The following TARBP1 variants were observed in gnomAD, a reference collection of about 807,000 sequenced individuals.
TARBP1 encodes the protein tRNA (guanosine(18)-2'-O)-methyltransferase TARBP1.
Under a neutral mutation model 178.6 loss-of-function variants are expected in TARBP1, and 144 were observed. That is an observed-to-expected ratio of 0.81 (90% CI 0.70 to 0.93). The LOEUF (loss-of-function observed/expected upper bound fraction) is 0.93. Among genes scored for constraint, TARBP1 ranks in the 40% least tolerant of loss-of-function variants. The pLI is 0.00. For synonymous variants in TARBP1, 787 were observed against 781.0 expected (o/e 1.01, Z -0.13); for missense variants, 2,067 against 2,011.7 (o/e 1.03, Z -0.53).
chr1:234,451,748 CAAA>C (rs766485621), intron 9 of TARBP1, among the ~76,000 whole-genome samples: 2 of 6,624 alleles, frequency 3.0e-4, no homozygotes, highest in Non-Finnish European at 2.2e-4. Context: ...GACTCCGTCT[CAAA>C]AAAAAAAAAA....
Position 234,459,469 on chromosome 1 carries a change from T to C in TARBP1, c.1536-143A>G, listed in dbSNP as rs1294331860. On this transcript the variant is annotated intron_variant, in intron 7 of 29. Coordinates refer to ENST00000040877, the MANE Select transcript of TARBP1 (RefSeq NM_005646.4). The stretch of plus-strand genomic sequence containing the variant: ...ATTTCAAAGCTGTTATTTCCCATTA[T>C]GGCCTCTATTAAGAGCTCAATTTTA... 4.0e-5 allele frequency: 25 copies of C among 632,416 alleles called. 1 individual carries two copies. In the South Asian group the frequency reaches 4.3e-4, roughly 11 times the overall value. 39.2% of individuals were successfully genotyped at this position (632,416 alleles called of 1,614,324 possible).
chr1:234,421,707 C>T (rs906038777), intron 20 of TARBP1, among the ~76,000 whole-genome samples: 5 of 152,204 alleles, frequency 3.3e-5, no homozygotes, highest in African/African-American at 7.2e-5. Context: ...ATGGCTTGTG[C>T]CGCCTAAATT....
At position 234,429,535 on chromosome 1, in the gene TARBP1, A is replaced by G. The variant is rs200012476; in HGVS notation, c.2752T>C (p.Phe918Leu). 36 of 1,614,192 alleles carry G rather than the reference A, an allele frequency of 2.2e-5. No individual in the cohort carries two copies. Among genetic ancestry groups the G allele is most frequent in the Non-Finnish European group, 2.9e-5 (34 of 1,180,016 alleles). Residue 918 changes from phenylalanine (F) to leucine (L), a missense_variant, in exon 16 of 30, where the codon TTT (phenylalanine) becomes CTT (leucine). Transcript: ENST00000040877. ...PTTGSEILEP[F>L]LPAVQMPIRT... The stretch of plus-strand genomic sequence containing the variant: ...ATTGGCATCTGAACGGCAGGTAGAA[A>G]CGGTTCCAGAATTTCACTCCCTGTG...
intron 28 of TARBP1, 113 bp from the exon 29 acceptor site, chr1:234,392,665 G>T: frequency 1.1e-6 from 1 of 915,546 alleles, no homozygotes; most frequent in Non-Finnish European, 1.6e-6. Context: ...AGAAAAAGGA[G>T]AGAATTATAC....
Position 234,425,667 on chromosome 1 carries a change from A to G in TARBP1, c.3444+6T>C, listed in dbSNP as rs751311952. 1 of 1,609,522 alleles carries G rather than the reference A, an allele frequency of 6.2e-7. No individual in the cohort carries two copies. Among genetic ancestry groups the G allele is most frequent in the Non-Finnish European group, 8.5e-7 (1 of 1,178,144 alleles). On this transcript the variant is annotated splice_donor_region_variant and intron_variant, in intron 20 of 29. Transcript: ENST00000040877. Reference sequence around the variant, plus strand: ...ACAAAGATAATTTAAAGTAAAATACACTTACTTTATCTAATAGCTTGATTG... The same window carrying G: ...ACAAAGATAATTTAAAGTAAAATACGCTTACTTTATCTAATAGCTTGATTG...
chr1:234,393,152 G>A (rs1659567817), intron 28 of TARBP1, among the ~76,000 whole-genome samples: 2 of 152,146 alleles, frequency 1.3e-5, no homozygotes, highest in Admixed American at 1.3e-4. Flanking sequence ...TAGAAAAACA[G>A]AAGTGAGCTG....
intron 21 of TARBP1, among the ~76,000 whole-genome samples, chr1:234,420,376 A>G (rs924273296): frequency 1.2e-4 from 18 of 152,236 alleles, no homozygotes; most frequent in African/African-American, 4.3e-4. Context: ...GTAGCTACAG[A>G]AAATTAGGAG....
Position 234,457,725 on chromosome 1 carries a change from A to G in TARBP1, c.1664T>C (p.Phe555Ser). 1 of 1,610,418 alleles carries G rather than the reference A, an allele frequency of 6.2e-7. No homozygotes were observed. ...TTCCTCTTGTCTCAGAGACATGAGAAAAGTTGAGACATCAGAAAGTGACAC... is the reference window on the plus strand; with the variant it reads ...TTCCTCTTGTCTCAGAGACATGAGAGAAGTTGAGACATCAGAAAGTGACAC... ...EKVSLSDVST[F>S]LMSLRQEESL... Residue 555 changes from phenylalanine to serine, a missense_variant, in exon 9 of 30, where the codon TTT becomes TCT. Phe to Ser is a radical substitution (Grantham distance 155). Transcript: ENST00000040877.
At chr1:234,418,933 G>C (rs138314023) in intron 21 of TARBP1, among the ~76,000 whole-genome samples, 2,299 of 152,302 alleles carry the variant, frequency 0.015, 59 homozygotes, top group African/African-American at 0.052. Context: ...AGCACTTTGG[G>C]AGGCCGAGGC....
chr1:234,478,878 G>C lies in TARBP1; in HGVS notation c.226C>G (p.Leu76Val), dbSNP rs1669853362. The C allele has an allele frequency of 7.6e-7, 1 of 1,310,688 alleles. No homozygotes were observed. Among genetic ancestry groups the C allele is most frequent in the East Asian group, 3.2e-5 (1 of 31,250 alleles). 81.2% of individuals were successfully genotyped at this position (1,310,688 alleles called of 1,614,324 possible). ...GGGCCGCCCGCGGGGCGTCCGCGCA[G>C]GCTCCGCAGCAGTGGCACGAGGTAC... is the stretch of plus-strand genomic sequence containing the variant. ...AGYLVPLLRSLRGRPAGGPDP... is the reference protein window; with the variant it reads ...AGYLVPLLRSVRGRPAGGPDP... Residue 76 changes from leucine (L) to valine (V), a missense_variant, in exon 1 of 30, where the codon CTG becomes GTG. Leu to Val is a conservative substitution (Grantham distance 32). Coordinates refer to ENST00000040877, the MANE Select transcript of TARBP1 (RefSeq NM_005646.4).
intron 9 of TARBP1, among the ~76,000 whole-genome samples, chr1:234,456,677 C>A (rs1047607140): frequency 6.6e-6 from 1 of 152,004 alleles, no homozygotes; most frequent in African/African-American, 2.4e-5. Flanking sequence ...TTAGAGAGAT[C>A]ATATGTATTA....
rs199696341 is a variant in TARBP1 at position 234,472,816 on chromosome 1, T to C, written c.932-5A>G. On this transcript the variant is annotated splice_polypyrimidine_tract_variant and splice_region_variant and intron_variant, in intron 1 of 29. Transcript: ENST00000040877. ...ACCACCAAAACAGACTTGGGCCTGA[T>C]ATGGTTTAAAAAAGAAAATTAGTTC... 1.4e-5 allele frequency: 22 copies of C among 1,587,872 alleles called. No homozygotes were observed. The East Asian group carries it at 4.9e-4, about 36-fold the overall frequency.
rs1342830850 is a variant in TARBP1, at chr1:234,430,201, G to C, written c.2495C>G (p.Ser832Cys). 4.3e-6 allele frequency: 7 copies of C among 1,614,238 alleles called. No homozygotes were observed. The highest frequency in any genetic ancestry group is 5.1e-6 in the Non-Finnish European group (6 of 1,180,044). The change falls in exon 15 of 30, where the codon TCT (serine) becomes TGT (cysteine). Residue 832 changes from serine (S) to cysteine (C), a missense_variant. By Grantham distance (112) the Ser-to-Cys change is moderately radical. Transcript: ENST00000040877. ...GCTTTCCAGGGGCCCAGCATGGAGA[G>C]AGTCCAGCTGCAGCTCAGGCTTCTG... is the stretch of plus-strand genomic sequence containing the variant. ...IDQKPELQLD[S>C]LHAGPLESFL...
intron 4 of TARBP1, among the ~76,000 whole-genome samples, chr1:234,466,084 G>C (rs1462437775): frequency 6.7e-6 from 1 of 149,772 alleles, no homozygotes; most frequent in Non-Finnish European, 1.5e-5. Context: ...AGAGGATAAA[G>C]AGGAAAAAAA....
intron 6 of TARBP1, among the ~76,000 whole-genome samples, chr1:234,462,379 T>C (rs143669748): frequency 6.6e-6 from 1 of 152,168 alleles, no homozygotes; most frequent in Non-Finnish European, 1.5e-5. Flanking sequence ...ATTAAACTCC[T>C]GAAATCTACC....
chr1:234,408,408 A>G (rs958477216), intron 23 of TARBP1, among the ~76,000 whole-genome samples: 2 of 152,332 alleles, frequency 1.3e-5, no homozygotes, highest in South Asian at 4.1e-4. Context: ...AACAAAGATG[A>G]TAACAGCCCT....
At chr1:234,452,738 T>C (rs1666902088) in intron 9 of TARBP1, among the ~76,000 whole-genome samples, 6 of 152,230 alleles carry the variant, frequency 3.9e-5, no homozygotes. Context: ...TGAAAAGTTA[T>C]GTCCACACAA....
At chr1:234,394,994 C>T (rs3951275) in intron 26 of TARBP1, among the ~76,000 whole-genome samples, 30,176 of 151,008 alleles carry the variant, frequency 0.2, 5,093 homozygotes, top group African/African-American at 0.46. Flanking sequence ...GAGGCCAAGG[C>T]GGGAGGATCA....
intron 14 of TARBP1, among the ~76,000 whole-genome samples, chr1:234,431,146 C>T (rs75297199): frequency 0.023 from 3,568 of 152,266 alleles, 56 homozygotes; most frequent in South Asian, 0.062. Flanking sequence ...ATACTGCCAA[C>T]CAGTAATGTC....
Sources: allele counts gnomAD v4.1 joint callset (sites outside exome capture counted in the v4.1 genomes callset), GRCh38; gene constraint gnomAD v4.1.1; transcripts MANE v1.5; gene names NCBI Gene and HGNC (gene_info 2026-07-23, HGNC 2026-07-21).